The following HP1BP3 variants were observed in gnomAD, a reference collection of about 807,000 sequenced individuals.
The protein encoded by HP1BP3 is heterochromatin protein 1-binding protein 3.
Under a neutral mutation model 62.5 loss-of-function variants are expected in HP1BP3, and 12 were observed. That is an observed-to-expected ratio of 0.19 (90% confidence interval 0.12 to 0.31). The LOEUF (loss-of-function observed/expected upper bound fraction) is 0.31. Ranked by LOEUF, HP1BP3 falls within the 10% of genes least tolerant of loss-of-function variation. The pLI is 1.00. For synonymous variants in HP1BP3, 260 were observed against 237.8 expected (o/e 1.09, Z -0.86); for missense variants, 502 against 651.8 (o/e 0.77, Z 2.50).
chr1:20,767,135 C>T lies in HP1BP3; in HGVS notation c.735+449G>A, dbSNP rs184037039. Among the ~76,000 whole-genome samples the T allele has an allele frequency of 7.5e-4, 114 of 152,074 alleles. 1 individual carries two copies. In the East Asian group the frequency reaches 0.017, roughly 23 times the overall value. On this transcript the variant is annotated intron_variant, in intron 7 of 12. Transcript: ENST00000438032. ...GAGTTCAAGACCAGCCTGGCCAACA[C>T]GGTAAAACCCTGTCTCTACTAACAA...
intron 6 of HP1BP3, among the ~76,000 whole-genome samples, 195 bp from the exon 7 acceptor site, chr1:20,767,859 A>G (rs1293473463): frequency 2.0e-5 from 3 of 152,082 alleles, no homozygotes; most frequent in African/African-American, 7.2e-5. Flanking sequence ...GATGCTGAGT[A>G]ATACTGGACA....
intron 6 of HP1BP3, among the ~76,000 whole-genome samples, chr1:20,769,845 C>T (rs1165967515): frequency 5.9e-5 from 9 of 152,178 alleles, no homozygotes; most frequent in Admixed American, 4.6e-4. Context: ...CGTATCTGTG[C>T]AATTAAGTAC....
At chr1:20,773,010 A>G (rs2057129459) in intron 5 of HP1BP3, among the ~76,000 whole-genome samples, 1 of 152,182 alleles carries the variant, frequency 6.6e-6, no homozygotes, top group African/African-American at 2.4e-5. Flanking sequence ...GAACCTAGAG[A>G]TATTTTTTAA....
At chr1:20,777,384 A>C (rs2057350401) in intron 3 of HP1BP3, among the ~76,000 whole-genome samples, 1 of 152,178 alleles carries the variant, frequency 6.6e-6, no homozygotes, top group Admixed American at 6.5e-5. Context: ...TTGATCATTT[A>C]AATTATGTGA....
At position 20,749,759 on chromosome 1, in the gene HP1BP3, G is replaced by C; in HGVS notation, c.1105C>G (p.Leu369Val). 6.2e-7 allele frequency: 1 copy of C among 1,613,786 alleles called. No homozygotes were observed. Among genetic ancestry groups the C allele is most frequent in the Non-Finnish European group, 8.5e-7 (1 of 1,179,770 alleles). The change falls in exon 10 of 13, where the codon CTA becomes GTA. Residue 369 changes from leucine (L) to valine (V), a missense_variant. Transcript: ENST00000438032. ...CSTTALKKYV[L>V]ENHPGTNSNY... Reference sequence around the variant, plus strand: ...GAATTGGTTCCTGGGTGATTCTCTAGGACATACTTCTTCAGAGCAGTGGTA... The same window carrying C: ...GAATTGGTTCCTGGGTGATTCTCTACGACATACTTCTTCAGAGCAGTGGTA...
chr1:20,773,361 TATG>T, intron 5 of HP1BP3, 87 bp downstream of exon 5: 4 of 1,061,204 alleles, frequency 3.8e-6, no homozygotes, highest in Non-Finnish European at 5.1e-6. Context: ...GAACAAGATT[TATG>T]ATGTCTAGAC....
At chr1:20,776,251 G>T in intron 4 of HP1BP3, 1 of 435,380 alleles carries the variant, frequency 2.3e-6, no homozygotes, top group Non-Finnish European at 4.0e-6. Context: ...ATAGTGAAAT[G>T]TCTTCTAGGT....
At chr1:20,775,543 A>G (rs1485270601) in intron 4 of HP1BP3, 1 of 155,224 alleles carries the variant, frequency 6.4e-6, no homozygotes, top group Non-Finnish European at 1.4e-5. Flanking sequence ...TTTTAGTTTT[A>G]AAAGTTGCAC....
At chr1:20,746,695 T>C (rs144426011) in intron 11 of HP1BP3, among the ~76,000 whole-genome samples, 13 of 152,328 alleles carry the variant, frequency 8.5e-5, no homozygotes, top group African/African-American at 3.1e-4. Context: ...GAGGTAGAGT[T>C]AAGATTCTTG....
intron 7 of HP1BP3, among the ~76,000 whole-genome samples, chr1:20,766,973 A>AC: frequency 6.6e-6 from 1 of 151,980 alleles, no homozygotes; most frequent in East Asian, 1.9e-4. Flanking sequence ...AAACAAACAA[A>AC]AAAACAGAGG....
intron 8 of HP1BP3, 116 bp from the exon 9 acceptor site, chr1:20,757,372 ATTTT>A (rs760873385): frequency 8.7e-5 from 29 of 334,160 alleles, no homozygotes; most frequent in East Asian, 1.9e-4. Context: ...TATTATTATT[ATTTT>A]TTTTTTTTTT....
intron 9 of HP1BP3, among the ~76,000 whole-genome samples, chr1:20,753,295 G>C (rs1413055100): frequency 6.6e-6 from 1 of 152,158 alleles, no homozygotes; most frequent in East Asian, 1.9e-4. Flanking sequence ...TCATTATTCA[G>C]ACTTGGTTAT....
rs1288145621 is a variant in HP1BP3 at position 20,743,180 on chromosome 1, G to C, written c.*1617C>G. The stretch of plus-strand genomic sequence containing the variant: ...CTTGCTTGATATCAAAAGTGCTGTG[G>C]AAAGAAAGGAGGGGAAAAAAACCCA... On this transcript the variant is annotated 3_prime_UTR_variant, in exon 13 of 13. Transcript: ENST00000438032. 1 of 150,992 alleles carries C rather than the reference G, an allele frequency of 6.6e-6. No homozygotes were observed. Among genetic ancestry groups the C allele is most frequent in the Non-Finnish European group, 1.5e-5 (1 of 67,740 alleles). 9.4% of individuals were successfully genotyped at this position (150,992 alleles called of 1,614,324 possible).
At chr1:20,781,020 G>T (rs2057520725) in intron 1 of HP1BP3, among the ~76,000 whole-genome samples, 1 of 151,970 alleles carries the variant, frequency 6.6e-6, no homozygotes, top group South Asian at 2.1e-4. Flanking sequence ...AAATACTGCT[G>T]AATAACATGA....
chr1:20,766,278 C>T (rs915532148), intron 7 of HP1BP3, among the ~76,000 whole-genome samples: 5 of 151,902 alleles, frequency 3.3e-5, no homozygotes, highest in African/African-American at 9.7e-5. Flanking sequence ...GCAACAAGAG[C>T]GAAACTCCGT....
chr1:20,741,466 T>A lies in HP1BP3; in HGVS notation c.*3331A>T, dbSNP rs2055081982. On this transcript the variant is annotated 3_prime_UTR_variant, in exon 13 of 13. Coordinates refer to ENST00000438032, the MANE Select transcript of HP1BP3 (RefSeq NM_001372052.1). ...AGCAGATTGTTTAGTTTTGTTTTCA[T>A]GTCATTTTCCTGTTAATTATACCCA... is the stretch of plus-strand genomic sequence containing the variant. Among the ~76,000 whole-genome samples, 1 of 152,236 alleles carries A rather than the reference T, an allele frequency of 6.6e-6. No homozygotes were observed. The highest frequency in any genetic ancestry group is 1.5e-5 in the Non-Finnish European group (1 of 68,032).
At chr1:20,751,189 T>C (rs2055726048) in intron 9 of HP1BP3, among the ~76,000 whole-genome samples, 1 of 152,128 alleles carries the variant, frequency 6.6e-6, no homozygotes, top group South Asian at 2.1e-4. Flanking sequence ...TAAGAGTACA[T>C]TATATAATAC....
rs201144411 is a variant in HP1BP3 at position 20,764,179 on chromosome 1, C to CT, written c.890+1197dup. On this transcript the variant is annotated intron_variant, in intron 8 of 12. Transcript: ENST00000438032. ...AGAAATTGAAATAGTATTTTCTACA[C>CT]TTTTTTTTCTTACAACCCTGAAGCT... 3.2e-3 allele frequency among the ~76,000 whole-genome samples: 493 copies of CT among 152,140 alleles called. 2 individuals are homozygous for CT. Among genetic ancestry groups the CT allele is most frequent in the Middle Eastern group, 6.8e-3 (2 of 292 alleles).
intron 8 of HP1BP3, among the ~76,000 whole-genome samples, chr1:20,763,151 G>C (rs780038239): frequency 6.6e-6 from 1 of 152,208 alleles, no homozygotes; most frequent in African/African-American, 2.4e-5. Context: ...CACCATGATT[G>C]TAAGTTTCCT....
Sources: gnomAD v4.1 joint callset for allele counts (sites outside exome capture counted in the v4.1 genomes callset) on GRCh38, gnomAD v4.1.1 for gene constraint, MANE v1.5 for transcripts, NCBI Gene and HGNC (gene_info 2026-07-23, HGNC 2026-07-21) for gene names.